Variants in PARD3 observed in about 807,000 individuals in gnomAD.
PARD3 encodes the protein par-3 family cell polarity regulator, also known as partitioning defective 3 homolog.
A neutral mutation model predicts 155.4 loss-of-function variants in PARD3; 75 were observed. The ratio of observed to expected loss-of-function variants is 0.48; its 90% CI spans 0.40 to 0.58. The LOEUF (loss-of-function observed/expected upper bound fraction) is 0.58, where lower values mean the gene tolerates loss of function less well. Among genes scored for constraint, PARD3 ranks in the 20% least tolerant of loss-of-function variants. The pLI, the probability that PARD3 is intolerant of heterozygous loss-of-function variation, is 0.00. For synonymous variants in PARD3, 576 were observed against 610.5 expected (o/e 0.94, Z 0.83); for missense variants, 1,642 against 1,721.7 (o/e 0.95, Z 0.82).
At chr10:34,620,352 G>GA (rs2091575882) in intron 2 of PARD3, among the ~76,000 whole-genome samples, 1 of 152,172 alleles carries the variant, frequency 6.6e-6, no homozygotes, top group Non-Finnish European at 1.5e-5. Flanking sequence ...AAACCAAGAG[G>GA]TTTTTTGTGA....
At chr10:34,391,213 T>G (rs1035448341) in intron 7 of PARD3, among the ~76,000 whole-genome samples, 11 of 152,120 alleles carry the variant, frequency 7.2e-5, no homozygotes, top group Admixed American at 2.0e-4. Flanking sequence ...TTTTTTTTTC[T>G]TCTTTTAAAC....
chr10:34,349,876 A>C (rs1837854466), intron 14 of PARD3, among the ~76,000 whole-genome samples: 1 of 152,192 alleles, frequency 6.6e-6, no homozygotes, highest in Non-Finnish European at 1.5e-5. Flanking sequence ...AATATCCCAA[A>C]AGGCTATTTT....
chr10:34,327,961 C>T (rs946031559), intron 19 of PARD3, among the ~76,000 whole-genome samples: 1 of 152,152 alleles, frequency 6.6e-6, no homozygotes, highest in African/African-American at 2.4e-5. Flanking sequence ...AGCATAGCCA[C>T]AGAGACAGCA....
At chr10:34,550,584 T>A (rs2084469180) in intron 2 of PARD3, among the ~76,000 whole-genome samples, 1 of 152,044 alleles carries the variant, frequency 6.6e-6, no homozygotes, top group Non-Finnish European at 1.5e-5. Context: ...AAAAAAACAT[T>A]AGAATGCAAA....
chr10:34,247,897 T>C (rs753268080), intron 22 of PARD3, among the ~76,000 whole-genome samples: 1 of 152,206 alleles, frequency 6.6e-6, no homozygotes, highest in Non-Finnish European at 1.5e-5. Flanking sequence ...TATACTCCCA[T>C]TTTTTACGTT....
At chr10:34,468,196 T>C (rs541794229) in intron 4 of PARD3, among the ~76,000 whole-genome samples, 1 of 152,326 alleles carries the variant, frequency 6.6e-6, no homozygotes, top group Non-Finnish European at 1.5e-5. Context: ...TGTTACTGCA[T>C]AGTTTTAAAG....
chr10:34,348,748 C>T (rs145125285), intron 14 of PARD3, among the ~76,000 whole-genome samples: 43 of 152,236 alleles, frequency 2.8e-4, no homozygotes, highest in African/African-American at 9.4e-4. Flanking sequence ...ATAATCACTT[C>T]AGTAGTGTAC....
chr10:34,813,636 C>T (rs779945851), intron 1 of PARD3, among the ~76,000 whole-genome samples: 8 of 152,148 alleles, frequency 5.3e-5, no homozygotes, highest in Non-Finnish European at 1.2e-4. Flanking sequence ...CTATTTTTTC[C>T]AATATATACT....
intron 1 of PARD3, among the ~76,000 whole-genome samples, chr10:34,726,550 T>G (rs1326152727): frequency 1.3e-5 from 2 of 152,092 alleles, no homozygotes; most frequent in African/African-American, 2.4e-5. Flanking sequence ...GCCACTGAAC[T>G]CCAGCCTGGG....
chr10:34,135,701 G>A (rs1947858147), intron 22 of PARD3, among the ~76,000 whole-genome samples: 1 of 152,156 alleles, frequency 6.6e-6, no homozygotes, highest in Admixed American at 6.5e-5. Flanking sequence ...ACTTCCTTAG[G>A]TACGATGAGA....
intron 22 of PARD3, among the ~76,000 whole-genome samples, chr10:34,268,930 AAAAT>A (rs780982349): frequency 1.4e-4 from 22 of 152,290 alleles, no homozygotes; most frequent in Non-Finnish European, 2.5e-4. Context: ...AGTATAATAA[AAAAT>A]AAATAAATAA....
At chr10:34,442,959 G>T (rs1445180387) in intron 5 of PARD3, among the ~76,000 whole-genome samples, 1 of 151,828 alleles carries the variant, frequency 6.6e-6, no homozygotes, top group Admixed American at 6.6e-5. Context: ...GATAGTTCTA[G>T]ATCTCAGGGA....
chr10:34,250,603 T>G (rs1227116427), intron 22 of PARD3, among the ~76,000 whole-genome samples: 3 of 151,108 alleles, frequency 2.0e-5, no homozygotes, highest in East Asian at 3.9e-4. Flanking sequence ...ACAGACATAC[T>G]CAGTAATAAA....
At chr10:34,811,815 T>C (rs1429381557) in intron 1 of PARD3, among the ~76,000 whole-genome samples, 1 of 152,094 alleles carries the variant, frequency 6.6e-6, no homozygotes, top group East Asian at 1.9e-4. Flanking sequence ...ATCACGCGTG[T>C]CAGGTCGCAA....
rs148830765 is a variant in PARD3, at chr10:34,489,402, G to A, written c.404-19139C>T. 8.3e-3 allele frequency among the ~76,000 whole-genome samples: 1,260 copies of A among 152,298 alleles called. 3 individuals are homozygous for A. Among genetic ancestry groups the A allele is most frequent in the Non-Finnish European group, 0.011 (743 of 68,020 alleles). On this transcript the variant is annotated intron_variant, in intron 3 of 24. Coordinates refer to ENST00000374788, the MANE Select transcript of PARD3 (RefSeq NM_001184785.2). ...TGAAGTAAAGGATCGGATGCTGCCGGAAGTTGAAAAGCTTTATTTTCTACA... is the reference window on the plus strand; with the variant it reads ...TGAAGTAAAGGATCGGATGCTGCCGAAAGTTGAAAAGCTTTATTTTCTACA...
At chr10:34,234,604 C>T (rs1463745681) in intron 22 of PARD3, among the ~76,000 whole-genome samples, 2 of 152,158 alleles carry the variant, frequency 1.3e-5, no homozygotes, top group East Asian at 3.9e-4. Flanking sequence ...AGCCAAATGT[C>T]ATCTTCCCAA....
chr10:34,762,761 T>C lies in PARD3; in HGVS notation c.120+52115A>G, dbSNP rs1174213560. Among the ~76,000 whole-genome samples the C allele has an allele frequency of 2.0e-5, 3 of 152,230 alleles. No individual in the cohort carries two copies. The East Asian group carries it at 5.8e-4, about 29-fold the overall frequency. On this transcript the variant is annotated intron_variant, in intron 1 of 24. Coordinates refer to ENST00000374788, the MANE Select transcript of PARD3 (RefSeq NM_001184785.2). ...GAAACACTAGCCATTTGTGCTGGGC[T>C]GGCAGGACTCTGCACTCACAGTGAA...
intron 2 of PARD3, among the ~76,000 whole-genome samples, chr10:34,582,179 T>G (rs1393853287): frequency 2.0e-5 from 3 of 152,216 alleles, no homozygotes; most frequent in African/African-American, 7.2e-5. Context: ...TTGAAATAAA[T>G]AATAACTTTC....
At chr10:34,670,327 T>G (rs1434133035) in intron 2 of PARD3, among the ~76,000 whole-genome samples, 1 of 152,256 alleles carries the variant, frequency 6.6e-6, no homozygotes, top group East Asian at 1.9e-4. Context: ...AGGCCGCCGC[T>G]GGCTCTCAGG....
Sources: gnomAD v4.1 joint callset for allele counts (sites outside exome capture counted in the v4.1 genomes callset) on GRCh38, gnomAD v4.1.1 for gene constraint, MANE v1.5 for transcripts, NCBI Gene and HGNC (gene_info 2026-07-23, HGNC 2026-07-21) for gene names.